The following FOXN2 variants were observed in gnomAD, a reference collection of about 807,000 sequenced individuals.
FOXN2 encodes the protein forkhead box protein N2.
In FOXN2, 19 loss-of-function variants were observed where a neutral mutation model predicts 41.2. The ratio of observed to expected loss-of-function variants is 0.46; its 90% confidence interval spans 0.32 to 0.68. FOXN2 has a LOEUF of 0.68. Ranked by LOEUF, FOXN2 falls within the 30% of genes least tolerant of loss-of-function variation. The pLI, the probability that FOXN2 is intolerant of heterozygous loss-of-function variation, is 0.03. For missense variants in FOXN2, 587 were observed against 509.4 expected, an observed-to-expected ratio of 1.15 and a Z score of -1.47; for synonymous variants, 195 against 176.8, an observed-to-expected ratio of 1.10 and a Z score of -0.82.
chr2:48,335,990 C>T (rs1217234632), intron 2 of FOXN2, among the ~76,000 whole-genome samples: 6 of 149,986 alleles, frequency 4.0e-5, no homozygotes, highest in Admixed American at 2.0e-4. Context: ...ATCGCACCAC[C>T]GCACTCCAGC....
chr2:48,357,158 G>A (rs1473593513), intron 3 of FOXN2, among the ~76,000 whole-genome samples: 2 of 152,120 alleles, frequency 1.3e-5, no homozygotes, highest in Admixed American at 6.6e-5. Flanking sequence ...TGCTGCCATG[G>A]TAACGTAAAC....
chr2:48,346,643 G>A lies in FOXN2; in HGVS notation c.429G>A (p.Leu143=). ...LPVKEIYSWI[L]DHFPYFATAP... is the part of the protein sequence containing the mutation. ...TCAAAGAAATTTATAGCTGGATTCT[G>A]GACCATTTTCCATATTTTGCTACTG... The change falls in exon 3 of 7, where the codon CTG becomes CTA. Residue 143 remains leucine (L), a synonymous_variant. Transcript: ENST00000340553. 1 of 1,614,094 alleles carries A rather than the reference G, an allele frequency of 6.2e-7. No homozygotes were observed. Among genetic ancestry groups the A allele is most frequent in the Non-Finnish European group, 8.5e-7 (1 of 1,179,984 alleles).
intron 5 of FOXN2, among the ~76,000 whole-genome samples, chr2:48,369,832 C>T (rs911523765): frequency 6.6e-6 from 1 of 151,586 alleles, no homozygotes; most frequent in African/African-American, 2.4e-5. Context: ...CATATCTCTA[C>T]AAAAAATAAA....
intron 3 of FOXN2, among the ~76,000 whole-genome samples, chr2:48,349,680 CAGG>C (rs1671332145): frequency 6.6e-6 from 1 of 152,082 alleles, no homozygotes; most frequent in Admixed American, 6.6e-5. Flanking sequence ...GAGGCTGAAG[CAGG>C]AGAATTGCTT....
chr2:48,350,098 T>G (rs187962847), intron 3 of FOXN2, among the ~76,000 whole-genome samples: 13 of 152,324 alleles, frequency 8.5e-5, no homozygotes, highest in Non-Finnish European at 1.8e-4. Context: ...CTGCCAAGAT[T>G]TAGGCAAAGA....
At chr2:48,348,523 A>T (rs28841370) in intron 3 of FOXN2, among the ~76,000 whole-genome samples, 67,046 of 151,908 alleles carry the variant, frequency 0.44, 15,095 homozygotes, top group East Asian at 0.53. Context: ...TTGTTTTTGT[A>T]TGTATTTTAT....
chr2:48,322,691 T>C (rs1420448571), intron 1 of FOXN2, among the ~76,000 whole-genome samples: 1 of 150,160 alleles, frequency 6.7e-6, no homozygotes, highest in Non-Finnish European at 1.5e-5. Flanking sequence ...TATCACCTCA[T>C]GTCTGAGCTT....
In FOXN2 at chr2:48,318,071, A is replaced by G. The variant is rs904867517; in HGVS notation, c.-157+3257A>G. 3.9e-5 allele frequency among the ~76,000 whole-genome samples: 6 copies of G among 152,234 alleles called. No homozygotes were observed. The East Asian group carries it at 1.2e-3, about 29-fold the overall frequency. ...CTTACCCTAACTTTTCTATTTAAAT[A>G]AACTTTTTATTTTAGAATAGTTTTA... On this transcript the variant is annotated intron_variant, in intron 1 of 6. Transcript: ENST00000340553.
upstream of FOXN2, among the ~76,000 whole-genome samples, chr2:48,314,359 C>G (rs1270929017): frequency 6.6e-6 from 1 of 152,252 alleles, no homozygotes; most frequent in African/African-American, 2.4e-5. Flanking sequence ...CTTTCCCCTG[C>G]CCTGCTCAGC....
chr2:48,353,390 C>G (rs1454091521), intron 3 of FOXN2, among the ~76,000 whole-genome samples: 1 of 152,186 alleles, frequency 6.6e-6, no homozygotes, highest in African/African-American at 2.4e-5. Context: ...AGTCACCTCT[C>G]AAGCATTTCC....
At chr2:48,325,146 C>T (rs953553444) in intron 1 of FOXN2, among the ~76,000 whole-genome samples, 3 of 152,120 alleles carry the variant, frequency 2.0e-5, no homozygotes, top group African/African-American at 4.8e-5. Flanking sequence ...AAAAAGCAAT[C>T]TAGGCAGGAT....
intron 3 of FOXN2, among the ~76,000 whole-genome samples, chr2:48,352,869 T>C (rs746558054): frequency 3.3e-5 from 5 of 152,200 alleles, no homozygotes; most frequent in Non-Finnish European, 5.9e-5. Flanking sequence ...AGGGGTTAGA[T>C]TCAAGAAAAA....
intron 5 of FOXN2, among the ~76,000 whole-genome samples, chr2:48,372,353 A>C (rs1210172786): frequency 6.6e-6 from 1 of 152,236 alleles, no homozygotes; most frequent in African/African-American, 2.4e-5. Context: ...TATCTACAAT[A>C]ACTTTTAAAT....
chr2:48,346,619 C>G lies in FOXN2; in HGVS notation c.405C>G (p.Val135=), dbSNP rs1284383909. 1 of 1,614,112 alleles carries G rather than the reference C, an allele frequency of 6.2e-7. No homozygotes were observed. The highest frequency in any genetic ancestry group is 8.5e-7 in the Non-Finnish European group (1 of 1,179,986). Residue 135 remains valine, a synonymous_variant, in exon 3 of 7, where the codon GTC becomes GTG. Transcript: ENST00000340553. ...IEHSPNKCLP[V]KEIYSWILDH... is the part of the protein sequence containing the mutation. ...ACTCTCCAAATAAATGTTTGCCTGT[C>G]AAAGAAATTTATAGCTGGATTCTGG...
intron 1 of FOXN2, among the ~76,000 whole-genome samples, chr2:48,318,600 A>G (rs540595239): frequency 2.6e-5 from 4 of 152,338 alleles, no homozygotes; most frequent in African/African-American, 4.8e-5. Flanking sequence ...CACTAAGTAC[A>G]TGCCATACTC....
intron 6 of FOXN2, 102 bp downstream of exon 6, chr2:48,373,462 C>CA: frequency 1.5e-6 from 1 of 682,438 alleles, no homozygotes; most frequent in Non-Finnish European, 2.5e-6. Context: ...TCTTTCCAAC[C>CA]AAATTGTATT....
At chr2:48,314,378 C>G (rs548509167), upstream of FOXN2, among the ~76,000 whole-genome samples, 1 of 152,244 alleles carries the variant, frequency 6.6e-6, no homozygotes, top group South Asian at 2.1e-4. Flanking sequence ...GCCCTAAACC[C>G]GCACCGGCCT....
intron 5 of FOXN2, among the ~76,000 whole-genome samples, chr2:48,372,883 C>T (rs915721621): frequency 6.9e-5 from 10 of 144,972 alleles, no homozygotes; most frequent in Non-Finnish European, 1.2e-4. Context: ...TTCATAACTG[C>T]AGATATGCAT....
At chr2:48,370,399 AC>A (rs1289688233) in intron 5 of FOXN2, among the ~76,000 whole-genome samples, 4 of 152,130 alleles carry the variant, frequency 2.6e-5, no homozygotes, top group Admixed American at 1.3e-4. Flanking sequence ...AATCCTTTGT[AC>A]TTGCTCTTCT....
Sources: allele counts gnomAD v4.1 joint callset (sites outside exome capture counted in the v4.1 genomes callset), GRCh38; gene constraint gnomAD v4.1.1; transcripts MANE v1.5; gene names NCBI Gene and HGNC (gene_info 2026-07-23, HGNC 2026-07-21).